PTGER4: variants seen among roughly 807,000 people sequenced by gnomAD.
The protein encoded by PTGER4 is prostaglandin E2 receptor EP4 subtype.
PTGER4 carries 11 observed loss-of-function variants against 33.2 expected under a neutral mutation model. That is an observed-to-expected ratio of 0.33 (90% confidence interval 0.21 to 0.55). PTGER4 has a LOEUF of 0.55. Ranked by LOEUF, PTGER4 falls within the 20% of genes least tolerant of loss-of-function variation. The pLI is 0.92. For missense variants in PTGER4, 481 were observed against 650.2 expected (o/e 0.74, Z 2.83); for synonymous variants, 275 against 281.5 (o/e 0.98, Z 0.23).
the PTGER4 span, among the ~76,000 whole-genome samples, chr5:40,718,665 G>A: frequency 5.5e-3 from 839 of 152,168 alleles, 7 homozygotes; most frequent in African/African-American, 0.02. Flanking sequence ...TTGAACCCAG[G>A]AGGCAGAGGT....
the PTGER4 span, chr5:40,728,499 A>T: frequency 6.4e-7 from 1 of 1,572,914 alleles, no homozygotes; most frequent in Non-Finnish European, 8.6e-7. Context: ...AAAGACCAAA[A>T]AATCTGTCAG....
chr5:40,684,405 A>C (rs1741277783), intron 2 of PTGER4, among the ~76,000 whole-genome samples: 1 of 152,126 alleles, frequency 6.6e-6, no homozygotes, highest in Admixed American at 6.5e-5. Flanking sequence ...TGGAAAGGCT[A>C]ACAAAGCAAA....
At chr5:40,722,381 G>A in the PTGER4 span, among the ~76,000 whole-genome samples, 3 of 151,946 alleles carry the variant, frequency 2.0e-5, no homozygotes, top group Non-Finnish European at 4.4e-5. Flanking sequence ...TCTGGGATGT[G>A]AGGAGCCCCT....
the PTGER4 span, among the ~76,000 whole-genome samples, chr5:40,740,125 C>A: frequency 1.3e-5 from 2 of 151,910 alleles, no homozygotes; most frequent in African/African-American, 4.8e-5. Flanking sequence ...ATATTTACTT[C>A]TATATAACTT....
the PTGER4 span, among the ~76,000 whole-genome samples, chr5:40,734,152 A>G: frequency 6.6e-6 from 1 of 152,160 alleles, no homozygotes; most frequent in Non-Finnish European, 1.5e-5. Context: ...AACTTATTCA[A>G]TTCTTCCCCC....
chr5:40,704,148 T>A, the PTGER4 span, among the ~76,000 whole-genome samples: 2 of 152,074 alleles, frequency 1.3e-5, no homozygotes, highest in Non-Finnish European at 2.9e-5. Context: ...TATGATCAAG[T>A]AGGCTTCACC....
At chr5:40,695,880 G>A (rs560918067), downstream of PTGER4, among the ~76,000 whole-genome samples, 1 of 152,242 alleles carries the variant, frequency 6.6e-6, no homozygotes, top group South Asian at 2.1e-4. Context: ...TATACAATGG[G>A]TACACATGGT....
At chr5:40,712,279 A>C in the PTGER4 span, among the ~76,000 whole-genome samples, 56 of 152,082 alleles carry the variant, frequency 3.7e-4, no homozygotes, top group Non-Finnish European at 6.9e-4. Flanking sequence ...TTTAAAAAAA[A>C]CCTCTAAAAT....
chr5:40,741,146 T>C, the PTGER4 span, among the ~76,000 whole-genome samples: 1 of 152,248 alleles, frequency 6.6e-6, no homozygotes, highest in Non-Finnish European at 1.5e-5. Flanking sequence ...ATGCTGAATA[T>C]TTTAAATGTT....
chr5:40,692,275 A>G lies in PTGER4; in HGVS notation c.1364A>G (p.Asp455Gly), dbSNP rs772736457. ...GACTCAGAGAGTGTCTTACTGGTGG[A>G]TGAGGCTGGTGGGAGCGGCAGGGCT... ...GQDSESVLLV[D>G]EAGGSGRAGP... Residue 455 changes from aspartate to glycine, a missense_variant, in exon 3 of 3, where the codon GAT becomes GGT. Transcript: ENST00000302472. The G allele has an allele frequency of 1.2e-6, 2 of 1,614,226 alleles. No individual in the cohort carries two copies. Among genetic ancestry groups the G allele is most frequent in the East Asian group, 4.5e-5 (2 of 44,886 alleles).
the PTGER4 span, among the ~76,000 whole-genome samples, chr5:40,724,170 C>T: frequency 2.0e-5 from 3 of 152,060 alleles, no homozygotes; most frequent in Admixed American, 2.0e-4. Context: ...GGTATACACA[C>T]AAAATGAAAT....
At chr5:40,694,762 G>T (rs1411130655), downstream of PTGER4, among the ~76,000 whole-genome samples, 2 of 152,192 alleles carry the variant, frequency 1.3e-5, no homozygotes, top group East Asian at 3.8e-4. Context: ...AATTTTGGGG[G>T]CAAGTGTCCT....
At chr5:40,739,212 T>A in the PTGER4 span, among the ~76,000 whole-genome samples, 5 of 152,362 alleles carry the variant, frequency 3.3e-5, no homozygotes, top group East Asian at 1.9e-4. Flanking sequence ...TTTTATTTCA[T>A]AAAATTCTTT....
chr5:40,700,961 A>T, the PTGER4 span, among the ~76,000 whole-genome samples: 3 of 152,234 alleles, frequency 2.0e-5, no homozygotes, highest in East Asian at 5.8e-4. Context: ...ACCAGAGACA[A>T]GAAGTCACTT....
At chr5:40,739,018 A>G in the PTGER4 span, among the ~76,000 whole-genome samples, 6 of 152,114 alleles carry the variant, frequency 3.9e-5, no homozygotes, top group African/African-American at 1.2e-4. Context: ...GTTCTCAATT[A>G]AGCCTTTTAA....
chr5:40,703,528 A>G, the PTGER4 span, among the ~76,000 whole-genome samples: 3 of 152,132 alleles, frequency 2.0e-5, no homozygotes, highest in Non-Finnish European at 2.9e-5. Flanking sequence ...AAAGCCCAGG[A>G]CCTGATGGAG....
At chr5:40,697,374 T>A (rs1741637829), downstream of PTGER4, among the ~76,000 whole-genome samples, 1 of 151,482 alleles carries the variant, frequency 6.6e-6, no homozygotes, top group Non-Finnish European at 1.5e-5. Context: ...TCACCTGAGG[T>A]CAGGAGTTCA....
downstream of PTGER4, among the ~76,000 whole-genome samples, chr5:40,697,136 AGG>A: frequency 9.2e-6 from 1 of 109,112 alleles, no homozygotes; most frequent in Non-Finnish European, 1.9e-5. Context: ...AAAGGAAGGA[AGG>A]AAGGAAAGAA....
chr5:40,710,238 C>A, the PTGER4 span, among the ~76,000 whole-genome samples: 3 of 151,976 alleles, frequency 2.0e-5, no homozygotes, highest in African/African-American at 7.2e-5. Context: ...AAGAAAAAAA[C>A]AAACAACCCC....
Sources: gnomAD v4.1 joint callset for allele counts (sites outside exome capture counted in the v4.1 genomes callset) on GRCh38, gnomAD v4.1.1 for gene constraint, MANE v1.5 for transcripts, NCBI Gene and HGNC (gene_info 2026-07-23, HGNC 2026-07-21) for gene names.